FOXP1: variants seen among roughly 807,000 people sequenced by gnomAD.
The protein encoded by FOXP1 is forkhead box protein P1.
A neutral mutation model predicts 98.2 loss-of-function variants in FOXP1; 15 were observed. The observed-to-expected ratio is 0.15, with a 90% CI of 0.10 to 0.24. The LOEUF (loss-of-function observed/expected upper bound fraction) is 0.24, where lower values mean the gene tolerates loss of function less well. Ranked by LOEUF, FOXP1 falls within the 10% of genes least tolerant of loss-of-function variation. The probability of loss-of-function intolerance (pLI) is 1.00; values close to 1 mark genes in which losing one functional copy is unlikely to be tolerated. For synonymous variants in FOXP1, 371 were observed against 314.5 expected (o/e 1.18, Z -1.90); for missense variants, 633 against 848.5 (o/e 0.75, Z 3.15).
intron 3 of FOXP1, among the ~76,000 whole-genome samples, chr3:71,372,817 A>C (rs927170829): frequency 3.3e-5 from 5 of 152,248 alleles, no homozygotes; most frequent in Non-Finnish European, 7.3e-5. Flanking sequence ...CAGTTACAGA[A>C]ATGATGAATC....
intron 3 of FOXP1, among the ~76,000 whole-genome samples, chr3:71,400,113 T>C (rs1391301951): frequency 2.0e-5 from 3 of 152,170 alleles, no homozygotes; most frequent in African/African-American, 7.2e-5. Context: ...GTGTATGTTT[T>C]CCTGGGAGGG....
chr3:71,523,147 G>C (rs1560603251), intron 2 of FOXP1, among the ~76,000 whole-genome samples: 1 of 152,172 alleles, frequency 6.6e-6, no homozygotes, highest in Admixed American at 6.5e-5. Context: ...GATGAAGGCA[G>C]AGATCGAGGC....
At chr3:71,190,959 A>C (rs1576303948) in intron 6 of FOXP1, among the ~76,000 whole-genome samples, 1 of 152,342 alleles carries the variant, frequency 6.6e-6, no homozygotes, top group East Asian at 1.9e-4. Flanking sequence ...CATGGGGTTC[A>C]ATTCCCTACA....
intron 6 of FOXP1, among the ~76,000 whole-genome samples, chr3:71,113,015 C>T (rs1260278110): frequency 1.3e-5 from 2 of 152,088 alleles, no homozygotes; most frequent in Non-Finnish European, 2.9e-5. Context: ...TCAGGGTCAC[C>T]TTCACCCTCC....
At chr3:71,176,903 A>G (rs1249440413) in intron 6 of FOXP1, among the ~76,000 whole-genome samples, 1 of 151,980 alleles carries the variant, frequency 6.6e-6, no homozygotes. Context: ...CTCTACTAAA[A>G]ATACAAAAAA....
At chr3:71,523,842 C>T (rs1243788387) in intron 2 of FOXP1, among the ~76,000 whole-genome samples, 1 of 152,126 alleles carries the variant, frequency 6.6e-6, no homozygotes, top group Non-Finnish European at 1.5e-5. Context: ...TCTCTCACCC[C>T]CATTTTATAA....
chr3:71,526,137 T>TAAACAAAC (rs766836663), intron 2 of FOXP1, among the ~76,000 whole-genome samples: 12 of 44,136 alleles, frequency 2.7e-4, no homozygotes, highest in East Asian at 2.5e-3. Flanking sequence ...TATAAATAAA[T>TAAACAAAC]AAACAAACAA....
At chr3:71,005,818 C>T (rs1395411287) in intron 12 of FOXP1, among the ~76,000 whole-genome samples, 1 of 152,138 alleles carries the variant, frequency 6.6e-6, no homozygotes, top group Non-Finnish European at 1.5e-5. Flanking sequence ...AGCATTTCAA[C>T]AGCTGATTCC....
At chr3:71,364,169 T>C (rs2078756992) in intron 3 of FOXP1, among the ~76,000 whole-genome samples, 1 of 152,228 alleles carries the variant, frequency 6.6e-6, no homozygotes, top group Non-Finnish European at 1.5e-5. Context: ...TGCTAGTATC[T>C]CTTACCCAAA....
chr3:71,247,146 T>A (rs1168220426), intron 5 of FOXP1, among the ~76,000 whole-genome samples: 2 of 152,164 alleles, frequency 1.3e-5, no homozygotes, highest in African/African-American at 2.4e-5. Flanking sequence ...TGCAGAACAT[T>A]CAAACTTATA....
At chr3:71,281,240 T>TAA (rs113409611) in intron 5 of FOXP1, among the ~76,000 whole-genome samples, 1 of 137,320 alleles carries the variant, frequency 7.3e-6, no homozygotes, top group Non-Finnish European at 1.6e-5. Context: ...GATAAAAATT[T>TAA]TAAAAAAAAA....
At chr3:70,993,636 A>G (rs1479841380) in intron 13 of FOXP1, among the ~76,000 whole-genome samples, 1 of 152,264 alleles carries the variant, frequency 6.6e-6, no homozygotes, top group Non-Finnish European at 1.5e-5. Context: ...AATGAGAAGA[A>G]ACATTACATT....
chr3:71,104,297 C>T (rs1408064007), intron 7 of FOXP1, among the ~76,000 whole-genome samples: 1 of 152,136 alleles, frequency 6.6e-6, no homozygotes, highest in Non-Finnish European at 1.5e-5. Context: ...GATTCACTGC[C>T]ATGGGAAACC....
intron 5 of FOXP1, among the ~76,000 whole-genome samples, chr3:71,267,496 C>A (rs2069813246): frequency 6.6e-6 from 1 of 152,172 alleles, no homozygotes; most frequent in South Asian, 2.1e-4. Context: ...GTAGAAATGG[C>A]AAACAGGTGG....
chr3:71,017,553 C>T (rs1249324569), intron 11 of FOXP1, among the ~76,000 whole-genome samples: 1 of 151,214 alleles, frequency 6.6e-6, no homozygotes, highest in East Asian at 1.9e-4. Context: ...CTTGATAAGG[C>T]ACGAATATTT....
chr3:71,315,114 AAGAAAAAG>A (rs1366543222), intron 4 of FOXP1, among the ~76,000 whole-genome samples: 1 of 145,300 alleles, frequency 6.9e-6, no homozygotes, highest in African/African-American at 2.5e-5. Context: ...AAAAGAAAGA[AAGAAAAAG>A]AAAAGAAAAA....
chr3:71,493,377 T>C (rs962363623), intron 3 of FOXP1, 49 bp downstream of exon 3: 14 of 152,350 alleles, frequency 9.2e-5, no homozygotes, highest in African/African-American at 3.4e-4. Context: ...GAAGGACTTT[T>C]TGTCTTGTGA....
chr3:71,582,807 C>G (rs2048292045), intron 1 of FOXP1: 1 of 984,842 alleles, frequency 1.0e-6, no homozygotes, highest in South Asian at 4.7e-5. Flanking sequence ...TTTGAATTTT[C>G]CGGGCTCCGA....
intron 4 of FOXP1, among the ~76,000 whole-genome samples, chr3:71,301,564 C>T (rs1181628113): frequency 6.6e-6 from 1 of 152,210 alleles, no homozygotes; most frequent in Non-Finnish European, 1.5e-5. Context: ...TTCTCCAATA[C>T]ATGCACTGTA....
Sources: allele counts gnomAD v4.1 joint callset (sites outside exome capture counted in the v4.1 genomes callset), GRCh38; gene constraint gnomAD v4.1.1; transcripts MANE v1.5; gene names NCBI Gene and HGNC (gene_info 2026-07-23, HGNC 2026-07-21).